HK2: variants seen among roughly 807,000 people sequenced by gnomAD.
HK2 encodes hexokinase-2.
A neutral mutation model predicts 92.9 loss-of-function variants in HK2; 42 were observed. The ratio of observed to expected loss-of-function variants is 0.45; its 90% confidence interval spans 0.35 to 0.58. The LOEUF (loss-of-function observed/expected upper bound fraction) is 0.58, where lower values mean the gene tolerates loss of function less well. HK2 is among the 20% of genes least tolerant of loss of function. HK2 has a pLI of 0.00. For missense variants in HK2, 978 were observed against 1,245.1 expected (o/e 0.79, Z 3.23); for synonymous variants, 422 against 468.0 (o/e 0.90, Z 1.27).
At chr2:74,838,997 G>T (rs559496744) in intron 1 of HK2, among the ~76,000 whole-genome samples, 1 of 152,140 alleles carries the variant, frequency 6.6e-6, no homozygotes, top group Non-Finnish European at 1.5e-5. Context: ...GGTGACATTT[G>T]CACTGGAATC....
intron 2 of HK2, among the ~76,000 whole-genome samples, chr2:74,865,617 A>G (rs1688926997): frequency 6.6e-6 from 1 of 152,042 alleles, no homozygotes. Flanking sequence ...AGGCAGGCTA[A>G]CCCCAGATGA....
rs774895620 is a variant in HK2, at chr2:74,880,514, C to T, written c.1515C>T (p.Ala505=). ...GAGGTCTGAGCAAGGAGACTCATGC[C>T]AGTGCCCCCGTCAAGATGCTGCCCA... is the stretch of plus-strand genomic sequence containing the variant. ...MERGLSKETH[A]SAPVKMLPTY... is the part of the protein sequence containing the mutation. The change falls in exon 10 of 18, where the codon GCC becomes GCT. Residue 505 remains alanine, a synonymous_variant. Transcript: ENST00000290573. 5.0e-6 allele frequency: 8 copies of T among 1,614,074 alleles called. No homozygotes were observed. Among genetic ancestry groups the T allele is most frequent in the African/African-American group, 4.0e-5 (3 of 74,946 alleles).
At chr2:74,860,692 A>G (rs1372717728) in intron 2 of HK2, among the ~76,000 whole-genome samples, 2 of 152,208 alleles carry the variant, frequency 1.3e-5, no homozygotes, top group Non-Finnish European at 2.9e-5. Context: ...TAAAGCTGCT[A>G]TGAACATTAT....
chr2:74,835,101 C>A (rs1369968443), intron 1 of HK2: 2 of 251,510 alleles, frequency 8.0e-6, no homozygotes, highest in African/African-American at 2.4e-5. Context: ...TCGCGGACCG[C>A]GTGTAGGAGA....
intron 1 of HK2, among the ~76,000 whole-genome samples, chr2:74,851,717 G>A (rs376147799): frequency 6.6e-6 from 1 of 152,106 alleles, no homozygotes; most frequent in Non-Finnish European, 1.5e-5. Context: ...CTTCTCTTTG[G>A]GAAAGTAGTG....
At chr2:74,847,172 A>G (rs1166500664) in intron 1 of HK2, among the ~76,000 whole-genome samples, 4 of 152,202 alleles carry the variant, frequency 2.6e-5, no homozygotes, top group Non-Finnish European at 5.9e-5. Context: ...TGATGCTTCT[A>G]TGCTTGTGGA....
intron 1 of HK2, among the ~76,000 whole-genome samples, chr2:74,845,617 C>T (rs1367440279): frequency 6.6e-6 from 1 of 152,264 alleles, no homozygotes; most frequent in East Asian, 1.9e-4. Flanking sequence ...CCCTGGTCAG[C>T]TCTGCGCTTA....
chr2:74,868,587 T>TAAAAAC (rs1689019563), intron 3 of HK2, among the ~76,000 whole-genome samples: 2 of 152,230 alleles, frequency 1.3e-5, no homozygotes, highest in African/African-American at 4.8e-5. Context: ...CAGGGGTTTT[T>TAAAAAC]GTCTGTTTAT....
At chr2:74,873,399 C>T in intron 5 of HK2, 28 bp downstream of exon 5, 1 of 1,527,966 alleles carries the variant, frequency 6.5e-7, no homozygotes, top group Non-Finnish European at 9.1e-7. Flanking sequence ...AGCTTGGGGT[C>T]TGTGGGCTTT....
At chr2:74,856,632 A>C (rs1157556558) in intron 2 of HK2, among the ~76,000 whole-genome samples, 1 of 152,212 alleles carries the variant, frequency 6.6e-6, no homozygotes, top group African/African-American at 2.4e-5. Context: ...TCTTTTGGGC[A>C]CCTCAATGTA....
chr2:74,870,495 A>C (rs1231413883), intron 3 of HK2, among the ~76,000 whole-genome samples: 4 of 138,498 alleles, frequency 2.9e-5, no homozygotes, highest in African/African-American at 6.0e-5. Flanking sequence ...CCCCCTTCTA[A>C]CCCCCACCTC....
intron 1 of HK2, among the ~76,000 whole-genome samples, chr2:74,838,774 G>A (rs753101813): frequency 6.6e-6 from 1 of 152,172 alleles, no homozygotes; most frequent in East Asian, 1.9e-4. Flanking sequence ...TCCTGACCTC[G>A]TGATCTGCCT....
chr2:74,837,195 C>G (rs1688187438), intron 1 of HK2, among the ~76,000 whole-genome samples: 1 of 152,128 alleles, frequency 6.6e-6, no homozygotes, highest in African/African-American at 2.4e-5. Context: ...CCAGGGGTAA[C>G]TTGCCCAAGG....
chr2:74,880,490 A>T lies in HK2; in HGVS notation c.1491A>T (p.Arg497=). The change falls in exon 10 of 18, where the codon CGA becomes CGT. Residue 497 remains arginine (R), a synonymous_variant. Transcript: ENST00000290573. ...VKRRMKVEME[R]GLSKETHASA... ...GGAGGATGAAGGTAGAAATGGAGCG[A>T]GGTCTGAGCAAGGAGACTCATGCCA... The T allele has an allele frequency of 6.2e-7, 1 of 1,614,208 alleles. No homozygotes were observed.
At chr2:74,878,667 T>G in intron 8 of HK2, 21 bp from the exon 9 acceptor site, 1 of 1,574,248 alleles carries the variant, frequency 6.4e-7, no homozygotes, top group Non-Finnish European at 8.7e-7. Flanking sequence ...CAGGCCCACA[T>G]GCTATCTTTC....
In HK2 at chr2:74,880,534, T is replaced by A. The variant is rs770683735; in HGVS notation, c.1535T>A (p.Leu512Gln). 107 of 1,614,192 alleles carry A rather than the reference T, an allele frequency of 6.6e-5. No individual in the cohort carries two copies. The highest frequency in any genetic ancestry group is 8.9e-5 in the Non-Finnish European group (105 of 1,180,014). ...CATGCCAGTGCCCCCGTCAAGATGC[T>A]GCCCACCTACGTGTGTGCTACCCCG... ...ETHASAPVKM[L>Q]PTYVCATPDG... The change falls in exon 10 of 18, where the codon CTG becomes CAG. Residue 512 changes from leucine (L) to glutamine (Q), a missense_variant. This residue lies in a region of HK2 where 742 missense variants were observed against 922.5 expected (regional missense o/e 0.80). Coordinates refer to ENST00000290573, the MANE Select transcript of HK2 (RefSeq NM_000189.5).
chr2:74,889,909 G>C (rs1189315151), intron 17 of HK2, among the ~76,000 whole-genome samples: 1 of 152,208 alleles, frequency 6.6e-6, no homozygotes, highest in Non-Finnish European at 1.5e-5. Context: ...TATACAGTTG[G>C]TAGTTCATTA....
intron 12 of HK2, among the ~76,000 whole-genome samples, chr2:74,882,884 A>G (rs1417310557): frequency 6.6e-6 from 1 of 151,670 alleles, no homozygotes; most frequent in Non-Finnish European, 1.5e-5. Flanking sequence ...GGCCCTTGTT[A>G]TGGGCTCAGG....
At chr2:74,888,459 G>T (rs1007305732) in intron 16 of HK2, among the ~76,000 whole-genome samples, 1 of 152,228 alleles carries the variant, frequency 6.6e-6, no homozygotes, top group Non-Finnish European at 1.5e-5. Flanking sequence ...ATTGAGTAAA[G>T]GTTGGAACGT....
Sources: gnomAD v4.1 joint callset for allele counts (sites outside exome capture counted in the v4.1 genomes callset) on GRCh38, gnomAD v4.1.1 for gene constraint, gnomAD v4.1.1 regional missense constraint, MANE v1.5 for transcripts, NCBI Gene and HGNC (gene_info 2026-07-23, HGNC 2026-07-21) for gene names.